The following GALK2 variants were observed in gnomAD, a reference collection of about 807,000 sequenced individuals.
The protein encoded by GALK2 is N-acetylgalactosamine kinase.
In GALK2, 36 loss-of-function variants were observed where a neutral mutation model predicts 52.4. The observed-to-expected ratio is 0.69, with a 90% CI of 0.53 to 0.91. The LOEUF is 0.91. Among genes scored for constraint, GALK2 ranks in the 40% least tolerant of loss-of-function variants. The probability of loss-of-function intolerance (pLI) is 0.00; values close to 1 mark genes in which losing one functional copy is unlikely to be tolerated. For synonymous variants in GALK2, 176 were observed against 199.1 expected (o/e 0.88, Z 0.98); for missense variants, 579 against 559.1 (o/e 1.04, Z -0.36).
downstream of GALK2, among the ~76,000 whole-genome samples, chr15:49,333,032 CCTT>C (rs1372662929): frequency 6.6e-6 from 1 of 152,152 alleles, no homozygotes; most frequent in Non-Finnish European, 1.5e-5. Flanking sequence ...CTCAGTAACA[CCTT>C]CTTAGAATCT....
intron 3 of GALK2, among the ~76,000 whole-genome samples, chr15:49,228,685 ATATTTTTT>A (rs2090307066): frequency 5.5e-5 from 1 of 18,128 alleles, no homozygotes; most frequent in African/African-American, 2.5e-4. Flanking sequence ...ATATATATAT[ATATTTTTT>A]TTTTTTTTTT....
At chr15:49,206,749 G>A (rs967162075) in intron 2 of GALK2, among the ~76,000 whole-genome samples, 2 of 152,030 alleles carry the variant, frequency 1.3e-5, no homozygotes, top group South Asian at 4.1e-4. Context: ...GGAGTCCATA[G>A]GGTTTTCAAG....
intron 8 of GALK2, among the ~76,000 whole-genome samples, chr15:49,301,827 A>G (rs1023445565): frequency 6.6e-6 from 1 of 152,168 alleles, no homozygotes; most frequent in Admixed American, 6.5e-5. Context: ...TTTGCCTTGT[A>G]TGATCTCCAG....
chr15:49,222,382 C>T (rs1017588094), intron 3 of GALK2, among the ~76,000 whole-genome samples: 3 of 152,050 alleles, frequency 2.0e-5, no homozygotes, highest in Non-Finnish European at 2.9e-5. Flanking sequence ...TTGGATCCTT[C>T]TATTTTTATT....
chr15:49,206,441 T>C (rs2088293688), intron 2 of GALK2, among the ~76,000 whole-genome samples: 1 of 152,062 alleles, frequency 6.6e-6, no homozygotes, highest in Non-Finnish European at 1.5e-5. Context: ...ACAATATTGA[T>C]TCTACCCATC....
downstream of GALK2, chr15:49,335,559 C>CTTCACAGAGGAACCA (rs1409421033): frequency 8.1e-7 from 1 of 1,234,656 alleles, no homozygotes; most frequent in African/African-American, 1.5e-5. Context: ...AAACAGTACC[C>CTTCACAGAGGAACCA]TTCACAGAGG....
intron 5 of GALK2, among the ~76,000 whole-genome samples, chr15:49,273,717 T>C (rs909036712): frequency 6.6e-6 from 1 of 152,186 alleles, no homozygotes; most frequent in Non-Finnish European, 1.5e-5. Context: ...CTAATATGTT[T>C]GCCAACTTGG....
chr15:49,342,439 G>T (rs1282680873), intron 3 of GALK2, among the ~76,000 whole-genome samples: 1 of 151,982 alleles, frequency 6.6e-6, no homozygotes, highest in Non-Finnish European at 1.5e-5. Flanking sequence ...TTGTAAAAAG[G>T]GTCTCTTGAA....
intron 1 of GALK2, among the ~76,000 whole-genome samples, chr15:49,176,455 A>G (rs1171297627): frequency 6.6e-6 from 1 of 152,228 alleles, no homozygotes. Flanking sequence ...CTCTGTATTA[A>G]GTTTGCCTCA....
At chr15:49,270,629 T>G (rs927737163) in intron 5 of GALK2, among the ~76,000 whole-genome samples, 16 of 152,200 alleles carry the variant, frequency 1.1e-4, no homozygotes, top group Admixed American at 9.2e-4. Flanking sequence ...CTAAAGATGC[T>G]TCCCACTACA....
intron 3 of GALK2, among the ~76,000 whole-genome samples, chr15:49,345,421 G>A (rs911433190): frequency 6.6e-6 from 1 of 152,136 alleles, no homozygotes; most frequent in Non-Finnish European, 1.5e-5. Context: ...ACTCAGTGGT[G>A]ATGGTTTTCA....
intron 1 of GALK2, chr15:49,178,378 CAT>C (rs10574188): frequency 0.068 from 10,298 of 151,486 alleles, 721 homozygotes; most frequent in African/African-American, 0.18. Flanking sequence ...TATATATGTA[CAT>C]ATATATATAT....
In GALK2 at chr15:49,259,944, T is replaced by C. The variant is rs1255026144; in HGVS notation, c.504+20577T>C. 2.0e-5 allele frequency among the ~76,000 whole-genome samples: 3 copies of C among 151,836 alleles called. No individual in the cohort carries two copies. The East Asian group carries it at 5.8e-4, about 29-fold the overall frequency. On this transcript the variant is annotated intron_variant, in intron 5 of 9. Coordinates refer to ENST00000560031, the MANE Select transcript of GALK2 (RefSeq NM_002044.4). The stretch of plus-strand genomic sequence containing the variant: ...TTTATGGCTGCATAGTATTCCATGG[T>C]GTATATGTGCCACATTTTCTTAATC...
chr15:49,338,006 TTG>T (rs1480969766), intron 3 of GALK2, among the ~76,000 whole-genome samples: 1 of 152,338 alleles, frequency 6.6e-6, no homozygotes, highest in East Asian at 1.9e-4. Flanking sequence ...TTATAATCCT[TTG>T]TGTATATACC....
intron 8 of GALK2, among the ~76,000 whole-genome samples, chr15:49,302,942 T>C (rs1418396152): frequency 6.6e-6 from 1 of 152,216 alleles, no homozygotes; most frequent in Admixed American, 6.5e-5. Flanking sequence ...ATAAATCAAA[T>C]AATAATGATT....
intron 3 of GALK2, among the ~76,000 whole-genome samples, chr15:49,348,971 T>G (rs756419317): frequency 6.6e-6 from 1 of 152,206 alleles, no homozygotes; most frequent in Non-Finnish European, 1.5e-5. Context: ...TATTCTTCCG[T>G]TGAGTCATGT....
At chr15:49,281,355 C>T (rs984641832) in intron 5 of GALK2, among the ~76,000 whole-genome samples, 3 of 152,148 alleles carry the variant, frequency 2.0e-5, no homozygotes, top group South Asian at 2.1e-4. Flanking sequence ...TGGAAGCCTT[C>T]GAAATGCCTG....
chr15:49,176,414 G>C (rs1016238094), intron 1 of GALK2, among the ~76,000 whole-genome samples: 12 of 152,070 alleles, frequency 7.9e-5, no homozygotes, highest in African/African-American at 2.9e-4. Flanking sequence ...TATGTTCCTG[G>C]GTTGCAATCT....
chr15:49,234,343 C>T (rs1045177059), intron 3 of GALK2, among the ~76,000 whole-genome samples: 1 of 152,142 alleles, frequency 6.6e-6, no homozygotes, highest in Non-Finnish European at 1.5e-5. Context: ...CATCCCTTTA[C>T]TGGTGGTGTT....
Sources: allele counts gnomAD v4.1 joint callset (sites outside exome capture counted in the v4.1 genomes callset), GRCh38; gene constraint gnomAD v4.1.1; transcripts MANE v1.5; gene names NCBI Gene and HGNC (gene_info 2026-07-23, HGNC 2026-07-21).